The following ATOH1 variants were observed in gnomAD, a reference collection of about 807,000 sequenced individuals.
ATOH1 encodes atonal bHLH transcription factor 1.
Under a neutral mutation model 20.7 loss-of-function variants are expected in ATOH1, and 9 were observed. That is an observed-to-expected ratio of 0.44 (90% confidence interval 0.26 to 0.76). ATOH1 has a LOEUF of 0.76. Among genes scored for constraint, ATOH1 ranks in the 30% least tolerant of loss-of-function variants. The probability of loss-of-function intolerance (pLI) is 0.20; values close to 1 mark genes in which losing one functional copy is unlikely to be tolerated. For synonymous variants in ATOH1, 247 were observed against 214.3 expected (o/e 1.15, Z -1.33); for missense variants, 516 against 479.3 (o/e 1.08, Z -0.71).
At position 93,828,864 on chromosome 4, in the gene ATOH1, T is replaced by C; in HGVS notation, c.-63T>C. On this transcript the variant is annotated 5_prime_UTR_variant, in exon 1 of 1. Transcript: ENST00000306011. ...AGAAGAGACCCGGAAAGGGCCTTTT[T>C]TTTGGTTGAGCTGGTGTCCCAGTGC... The C allele has an allele frequency of 2.0e-6, 3 of 1,488,110 alleles. No homozygotes were observed. Among genetic ancestry groups the C allele is most frequent in the Non-Finnish European group, 2.7e-6 (3 of 1,118,526 alleles). The allele number at this position is 1,488,110 out of a possible 1,614,324, so 92.2% of individuals were successfully genotyped here. A position where few individuals can be genotyped will look rare whatever the true frequency, so the allele number is the denominator to read the frequency against.
In ATOH1 at chr4:93,829,413, G is replaced by C; in HGVS notation, c.487G>C (p.Ala163Pro). 1 of 1,614,254 alleles carries C rather than the reference G, an allele frequency of 6.2e-7. No homozygotes were observed. Among genetic ancestry groups the C allele is most frequent in the Non-Finnish European group, 8.5e-7 (1 of 1,180,044 alleles). ...VNGVQKQRRL[A>P]ANARERRRMH... is the part of the protein sequence containing the mutation. ...TGGGGTGCAGAAGCAGAGACGGCTA[G>C]CAGCCAACGCCAGGGAGCGGCGCAG... The change falls in exon 1 of 1, where the codon GCA becomes CCA. Residue 163 changes from alanine to proline, a missense_variant. By Grantham distance (27) the Ala-to-Pro change is conservative. Coordinates refer to ENST00000306011, the MANE Select transcript of ATOH1 (RefSeq NM_005172.2). The surrounding 1 kb of genome is among the most constrained non-coding windows in gnomAD (Gnocchi z 4.5).
Position 93,830,221 on chromosome 4 carries a change from T to C in ATOH1, c.*230T>C, listed in dbSNP as rs745465363. 3 of 942,010 alleles carry C rather than the reference T, an allele frequency of 3.2e-6. No individual in the cohort carries two copies. Among genetic ancestry groups the C allele is most frequent in the Admixed American group, 7.5e-5 (2 of 26,504 alleles). The allele number at this position is 942,010 out of a possible 1,614,324, so 58.4% of individuals were successfully genotyped here. On this transcript the variant is annotated 3_prime_UTR_variant, in exon 1 of 1. Transcript: ENST00000306011. ...GTTTGATGAAAACTTTCTGTTAAAA[T>C]TGTGTCCTTTCCGCCCACCTTCTGC...
chr4:93,830,079 C>G lies in ATOH1; in HGVS notation c.*88C>G. Reference sequence around the variant, plus strand: ...AGCCCCGCGGTTAAAGATCCCCGCACCCTTTAATTTTTGCTCTGCGATGGT... The same window carrying G: ...AGCCCCGCGGTTAAAGATCCCCGCAGCCTTTAATTTTTGCTCTGCGATGGT... On this transcript the variant is annotated 3_prime_UTR_variant, in exon 1 of 1. Transcript: ENST00000306011. 1.3e-6 allele frequency: 2 copies of G among 1,484,860 alleles called. No individual in the cohort carries two copies. Among genetic ancestry groups the G allele is most frequent in the Non-Finnish European group, 1.8e-6 (2 of 1,120,420 alleles). 92.0% of individuals were successfully genotyped at this position (1,484,860 alleles called of 1,614,324 possible). A position where few individuals can be genotyped will look rare whatever the true frequency, so the allele number is the denominator to read the frequency against.
chr4:93,829,072 A>G lies in ATOH1; in HGVS notation c.146A>G (p.Tyr49Cys). Residue 49 changes from tyrosine to cysteine, a missense_variant, in exon 1 of 1, where the codon TAC (tyrosine) becomes TGC (cysteine). Coordinates refer to ENST00000306011, the MANE Select transcript of ATOH1 (RefSeq NM_005172.2). The surrounding 1 kb of genome is among the most constrained non-coding windows in gnomAD (Gnocchi z 4.5). The part of the protein sequence containing the change: ...ATLQAREHPV[Y>C]PPELSLLDST... ...TTGCAGGCGAGAGAGCATCCCGTCTACCCGCCTGAGCTGTCCCTCCTGGAC... is the reference window on the plus strand; with the variant it reads ...TTGCAGGCGAGAGAGCATCCCGTCTGCCCGCCTGAGCTGTCCCTCCTGGAC... 4 of 1,613,518 alleles carry G rather than the reference A, an allele frequency of 2.5e-6. No individual in the cohort carries two copies. The highest frequency in any genetic ancestry group is 3.4e-6 in the Non-Finnish European group (4 of 1,179,910).
At position 93,829,924 on chromosome 4, in the gene ATOH1, G is replaced by T. The variant is rs777540023; in HGVS notation, c.998G>T (p.Arg333Leu). ...VQEENSKTSP[R>L]SHRSDGEFSP... ...GAGGAAAACAGCAAAACTTCGCCTCGGTCCCACAGAAGCGACGGGGAATTT... is the reference window on the plus strand; with the variant it reads ...GAGGAAAACAGCAAAACTTCGCCTCTGTCCCACAGAAGCGACGGGGAATTT... The change falls in exon 1 of 1, where the codon CGG becomes CTG. Residue 333 changes from arginine (R) to leucine (L), a missense_variant. Arg to Leu is a moderately radical substitution (Grantham distance 102). Transcript: ENST00000306011. The surrounding 1 kb of genome is among the most constrained non-coding windows in gnomAD (Gnocchi z 4.5). 6.2e-7 allele frequency: 1 copy of T among 1,613,858 alleles called. No homozygotes were observed. The highest frequency in any genetic ancestry group is 1.3e-5 in the African/African-American group (1 of 74,928).
Position 93,830,119 on chromosome 4 carries a change from G to T in ATOH1, c.*128G>T. On this transcript the variant is annotated 3_prime_UTR_variant, in exon 1 of 1. Transcript: ENST00000306011. ...TCTGCGATGGTCGTTGTTTAGCAAC[G>T]ACTTGGCTTCAGATGGCAGCTACAT... 7.0e-7 allele frequency: 1 copy of T among 1,427,994 alleles called. No individual in the cohort carries two copies. Among genetic ancestry groups the T allele is most frequent in the Non-Finnish European group, 9.2e-7 (1 of 1,091,814 alleles). 88.5% of individuals were successfully genotyped at this position (1,427,994 alleles called of 1,614,324 possible). A position where few individuals can be genotyped will look rare whatever the true frequency, so the allele number is the denominator to read the frequency against.
chr4:93,829,629 C>A lies in ATOH1; in HGVS notation c.703C>A (p.His235Asn). 1 of 1,608,638 alleles carries A rather than the reference C, an allele frequency of 6.2e-7. No individual in the cohort carries two copies. Among genetic ancestry groups the A allele is most frequent in the Non-Finnish European group, 8.5e-7 (1 of 1,177,422 alleles). Residue 235 changes from histidine (H) to asparagine (N), a missense_variant, in exon 1 of 1, where the codon CAC becomes AAC. Coordinates refer to ENST00000306011, the MANE Select transcript of ATOH1 (RefSeq NM_005172.2). This position sits in a 1 kb window ranked among gnomAD's most constrained non-coding sequence, Gnocchi z 4.5. Reference sequence around the variant, plus strand: ...GCCTCCAGCCTCCTGCAAAAGCGACCACCACCACCTTCGCACCGCGGCCTC... The same window carrying A: ...GCCTCCAGCCTCCTGCAAAAGCGACAACCACCACCTTCGCACCGCGGCCTC... ...PPPPASCKSD[H>N]HHLRTAASYE...
chr4:93,829,667 C>A lies in ATOH1; in HGVS notation c.741C>A (p.Gly247=). ...GCACCGCGGCCTCCTATGAAGGGGGCGCGGGCAACGCGACCGCAGCTGGGG... is the reference window on the plus strand; with the variant it reads ...GCACCGCGGCCTCCTATGAAGGGGGAGCGGGCAACGCGACCGCAGCTGGGG... ...HLRTAASYEG[G]AGNATAAGAQ... The change falls in exon 1 of 1, where the codon GGC becomes GGA. Residue 247 remains glycine, a synonymous_variant. Coordinates refer to ENST00000306011, the MANE Select transcript of ATOH1 (RefSeq NM_005172.2). The surrounding 1 kb of genome is among the most constrained non-coding windows in gnomAD (Gnocchi z 4.5). The A allele has an allele frequency of 1.3e-6, 2 of 1,573,816 alleles. No individual in the cohort carries two copies. The highest frequency in any genetic ancestry group is 1.7e-6 in the Non-Finnish European group (2 of 1,161,544).
rs763789767 is a variant in ATOH1 at position 93,829,390 on chromosome 4, G to C, written c.464G>C (p.Gly155Ala). The change falls in exon 1 of 1, where the codon GGG becomes GCG. Residue 155 changes from glycine to alanine, a missense_variant. Gly to Ala is a moderately conservative substitution (Grantham distance 60). Transcript: ENST00000306011. This position sits in a 1 kb window ranked among gnomAD's most constrained non-coding sequence, Gnocchi z 4.5. The stretch of plus-strand genomic sequence containing the variant: ...GCCCCTTCCAGCAAACAGGTGAATG[G>C]GGTGCAGAAGCAGAGACGGCTAGCA... ...QRAPSSKQVN[G>A]VQKQRRLAAN... The C allele has an allele frequency of 3.6e-5, 58 of 1,614,108 alleles. No homozygotes were observed. The highest frequency in any genetic ancestry group is 6.7e-5 in the Admixed American group (4 of 60,018).
At position 93,830,293 on chromosome 4, in the gene ATOH1, C is replaced by A. The variant is rs1735417557; in HGVS notation, c.*302C>A. On this transcript the variant is annotated 3_prime_UTR_variant, in exon 1 of 1. Coordinates refer to ENST00000306011, the MANE Select transcript of ATOH1 (RefSeq NM_005172.2). ...TATAATTGTAGGTACCCGTATATGG[C>A]ATCATTATTCTAGTTCCCTGCTGCC... 2 of 316,772 alleles carry A rather than the reference C, an allele frequency of 6.3e-6. No individual in the cohort carries two copies. The highest frequency in any genetic ancestry group is 1.0e-4 in the South Asian group (1 of 9,706). 19.6% of individuals were successfully genotyped at this position (316,772 alleles called of 1,614,324 possible).
chr4:93,830,138 G>T lies in ATOH1; in HGVS notation c.*147G>T. On this transcript the variant is annotated 3_prime_UTR_variant, in exon 1 of 1. Coordinates refer to ENST00000306011, the MANE Select transcript of ATOH1 (RefSeq NM_005172.2). ...AGCAACGACTTGGCTTCAGATGGCAGCTACATTTGATGGTTTGCAAATGCC... is the reference window on the plus strand; with the variant it reads ...AGCAACGACTTGGCTTCAGATGGCATCTACATTTGATGGTTTGCAAATGCC... 7.1e-7 allele frequency: 1 copy of T among 1,407,428 alleles called. No homozygotes were observed. The highest frequency in any genetic ancestry group is 9.3e-7 in the Non-Finnish European group (1 of 1,076,164). 87.2% of individuals were successfully genotyped at this position (1,407,428 alleles called of 1,614,324 possible).
chr4:93,829,179 C>A lies in ATOH1; in HGVS notation c.253C>A (p.Pro85Thr). 1 of 1,587,914 alleles carries A rather than the reference C, an allele frequency of 6.3e-7. No individual in the cohort carries two copies. The change falls in exon 1 of 1, where the codon CCG becomes ACG. Residue 85 changes from proline to threonine, a missense_variant. By Grantham distance (38) the Pro-to-Thr change is conservative. Coordinates refer to ENST00000306011, the MANE Select transcript of ATOH1 (RefSeq NM_005172.2). This position sits in a 1 kb window ranked among gnomAD's most constrained non-coding sequence, Gnocchi z 4.5. ...ARAAQYLLHS[P>T]ELGASEAAAP... The stretch of plus-strand genomic sequence containing the variant: ...CGCCGCCCAGTATTTGCTACATTCC[C>A]CGGAGCTGGGTGCCTCAGAGGCCGC...
chr4:93,829,792 T>G lies in ATOH1; in HGVS notation c.866T>G (p.Leu289Arg). The change falls in exon 1 of 1, where the codon CTG (leucine) becomes CGG (arginine). Residue 289 changes from leucine to arginine, a missense_variant. Transcript: ENST00000306011. The surrounding 1 kb of genome is among the most constrained non-coding windows in gnomAD (Gnocchi z 4.5). ...PASAGGYSVQLDALHFSTFED... is the reference protein window; with the variant it reads ...PASAGGYSVQRDALHFSTFED... ...TCTGCGGGAGGGTACTCGGTGCAGCTGGACGCTCTGCACTTCTCGACTTTC... is the reference window on the plus strand; with the variant it reads ...TCTGCGGGAGGGTACTCGGTGCAGCGGGACGCTCTGCACTTCTCGACTTTC... 6.2e-7 allele frequency: 1 copy of G among 1,613,000 alleles called. No individual in the cohort carries two copies. The highest frequency in any genetic ancestry group is 8.5e-7 in the Non-Finnish European group (1 of 1,179,532).
chr4:93,828,934 G>A lies in ATOH1; in HGVS notation c.8G>A (p.Arg3His). 1 of 1,594,216 alleles carries A rather than the reference G, an allele frequency of 6.3e-7. No individual in the cohort carries two copies. The highest frequency in any genetic ancestry group is 8.6e-7 in the Non-Finnish European group (1 of 1,169,200). Residue 3 changes from arginine (R) to histidine (H), a missense_variant, in exon 1 of 1, where the codon CGC becomes CAC. Physicochemically the swap from Arg to His is conservative, Grantham distance 29 (BLOSUM62 0). Coordinates refer to ENST00000306011, the MANE Select transcript of ATOH1 (RefSeq NM_005172.2). MS[R>H]LLHAEEWAEV... Reference sequence around the variant, plus strand: ...CCGAGCCTTTGCAGTGCAATGTCCCGCCTGCTGCATGCAGAAGAGTGGGCT... The same window carrying A: ...CCGAGCCTTTGCAGTGCAATGTCCCACCTGCTGCATGCAGAAGAGTGGGCT...
chr4:93,829,012 C>G lies in ATOH1; in HGVS notation c.86C>G (p.Pro29Arg). 3 of 1,613,536 alleles carry G rather than the reference C, an allele frequency of 1.9e-6. No individual in the cohort carries two copies. The highest frequency in any genetic ancestry group is 2.2e-5 in the East Asian group (1 of 44,852). The change falls in exon 1 of 1, where the codon CCG becomes CGG. Residue 29 changes from proline to arginine, a missense_variant. Coordinates refer to ENST00000306011, the MANE Select transcript of ATOH1 (RefSeq NM_005172.2). The surrounding 1 kb of genome is among the most constrained non-coding windows in gnomAD (Gnocchi z 4.5). The stretch of plus-strand genomic sequence containing the variant: ...CGCCAGCCCCAGCCGCATCATCTCC[C>G]GCAACCGCCGCCGCCGCCGCAGCCA... ...HHRQPQPHHL[P>R]QPPPPPQPPA... is the part of the protein sequence containing the mutation.
rs895887451 is a variant in ATOH1 at position 93,830,288 on chromosome 4, T to A, written c.*297T>A. ...TACGGTATAATTGTAGGTACCCGTA[T>A]ATGGCATCATTATTCTAGTTCCCTG... On this transcript the variant is annotated 3_prime_UTR_variant, in exon 1 of 1. Coordinates refer to ENST00000306011, the MANE Select transcript of ATOH1 (RefSeq NM_005172.2). 1 of 335,416 alleles carries A rather than the reference T, an allele frequency of 3.0e-6. No individual in the cohort carries two copies. Among genetic ancestry groups the A allele is most frequent in the African/African-American group, 2.2e-5 (1 of 46,318 alleles). The allele number at this position is 335,416 out of a possible 1,614,324, so 20.8% of individuals were successfully genotyped here.
rs1285031201 is a variant in ATOH1, at chr4:93,828,867, T to G, written c.-60T>G. On this transcript the variant is annotated 5_prime_UTR_variant, in exon 1 of 1. Coordinates refer to ENST00000306011, the MANE Select transcript of ATOH1 (RefSeq NM_005172.2). Reference sequence around the variant, plus strand: ...AGAGACCCGGAAAGGGCCTTTTTTTTGGTTGAGCTGGTGTCCCAGTGCTGC... The same window carrying G: ...AGAGACCCGGAAAGGGCCTTTTTTTGGGTTGAGCTGGTGTCCCAGTGCTGC... 6.7e-7 allele frequency: 1 copy of G among 1,490,996 alleles called. No homozygotes were observed. Among genetic ancestry groups the G allele is most frequent in the Non-Finnish European group, 8.9e-7 (1 of 1,120,014 alleles). 92.4% of individuals were successfully genotyped at this position (1,490,996 alleles called of 1,614,324 possible). A position where few individuals can be genotyped will look rare whatever the true frequency, so the allele number is the denominator to read the frequency against.
chr4:93,830,596 A>T lies in ATOH1; in HGVS notation c.*605A>T, dbSNP rs1735424805. The T allele has an allele frequency of 1.2e-5, 2 of 166,994 alleles. No homozygotes were observed. The highest frequency in any genetic ancestry group is 4.8e-5 in the African/African-American group (2 of 41,438). The allele number at this position is 166,994 out of a possible 1,614,324, so 10.3% of individuals were successfully genotyped here. On this transcript the variant is annotated 3_prime_UTR_variant, in exon 1 of 1. Coordinates refer to ENST00000306011, the MANE Select transcript of ATOH1 (RefSeq NM_005172.2). ...GATCGCGAGAACGTTGGCGTCTTTT[A>T]GGAAACTCCGCGCACGCACTTTATC...
Position 93,830,233 on chromosome 4 carries a change from C to A in ATOH1, c.*242C>A. ...CTTTCTGTTAAAATTGTGTCCTTTC[C>A]GCCCACCTTCTGCTCCCCCTTTAGA... is the stretch of plus-strand genomic sequence containing the variant. On this transcript the variant is annotated 3_prime_UTR_variant, in exon 1 of 1. Transcript: ENST00000306011. 1.3e-6 allele frequency: 1 copy of A among 751,232 alleles called. No homozygotes were observed. Among genetic ancestry groups the A allele is most frequent in the Non-Finnish European group, 1.9e-6 (1 of 515,028 alleles). The allele number at this position is 751,232 out of a possible 1,614,324, so 46.5% of individuals were successfully genotyped here.
Sources: allele counts gnomAD v4.1 joint callset, GRCh38; gene constraint gnomAD v4.1.1; non-coding constraint Gnocchi (gnomAD v3.1); transcripts MANE v1.5; gene names NCBI Gene and HGNC (gene_info 2026-07-23, HGNC 2026-07-21).